Variants in SCAF8 observed in about 807,000 individuals in gnomAD.
The protein encoded by SCAF8 is SR-related CTD associated factor 8.
SCAF8 carries 23 observed loss-of-function variants against 140.5 expected under a neutral mutation model. The observed-to-expected ratio is 0.16, with a 90% confidence interval of 0.12 to 0.23. The LOEUF (loss-of-function observed/expected upper bound fraction) is 0.23. Ranked by LOEUF, SCAF8 falls within the 10% of genes least tolerant of loss-of-function variation. The pLI is 1.00. For synonymous variants in SCAF8, 575 were observed against 528.9 expected (o/e 1.09, Z -1.20); for missense variants, 1,397 against 1,555.7 (o/e 0.90, Z 1.72).
At chr6:154,741,614 C>A (rs1444936577) in intron 1 of SCAF8, among the ~76,000 whole-genome samples, 1 of 152,100 alleles carries the variant, frequency 6.6e-6, no homozygotes, top group African/African-American at 2.4e-5. Flanking sequence ...ACCATGTTGG[C>A]CAGGCTGATC....
In SCAF8 at chr6:154,802,117, T is replaced by C; in HGVS notation, c.753T>C (p.Thr251=). The C allele has an allele frequency of 6.2e-7, 1 of 1,610,228 alleles. No homozygotes were observed. Residue 251 remains threonine, a synonymous_variant, in exon 7 of 20, where the codon ACT becomes ACC. Transcript: ENST00000367178. The part of the protein sequence containing the change: ...TAAAAAANTL[T]PLEQGVSFNK... The stretch of plus-strand genomic sequence containing the variant: ...CAGCTGCAGCTGCCAACACTCTTAC[T>C]CCCTTAGAACAGGGAGTCTCCTTTA...
rs761992225 is a variant in SCAF8, at chr6:154,830,928, T to G, written c.2147T>G (p.Val716Gly). The G allele has an allele frequency of 6.2e-7, 1 of 1,613,700 alleles. No homozygotes were observed. Among genetic ancestry groups the G allele is most frequent in the East Asian group, 2.2e-5 (1 of 44,866 alleles). ...TTTTCTCCTCTTTAAACAGCTTTAGTGCAGCCGTCATTATCCATGACACCG... is the reference window on the plus strand; with the variant it reads ...TTTTCTCCTCTTTAAACAGCTTTAGGGCAGCCGTCATTATCCATGACACCG... ...TIPPVVPTSL[V>G]QPSLSMTPET... Residue 716 changes from valine (V) to glycine (G), a missense_variant, in exon 19 of 20, where the codon GTG becomes GGG. Physicochemically the swap from Val to Gly is moderately radical, Grantham distance 109. This residue lies in a region of SCAF8 where 930 missense variants were observed against 874.6 expected (regional missense o/e 1.06). Transcript: ENST00000367178.
chr6:154,791,193 T>G (rs1777409272), intron 4 of SCAF8, among the ~76,000 whole-genome samples: 1 of 152,202 alleles, frequency 6.6e-6, no homozygotes, highest in Admixed American at 6.5e-5. Context: ...CTGTAAAACT[T>G]TAATACAACC....
At chr6:154,736,265 C>CTT (rs71021071) in intron 1 of SCAF8, among the ~76,000 whole-genome samples, 2,257 of 78,332 alleles carry the variant, frequency 0.029, 225 homozygotes, top group African/African-American at 0.086. Flanking sequence ...CCATCCAAGA[C>CTT]TTTTTTTTTT....
chr6:154,773,060 A>G (rs982485226), intron 1 of SCAF8, among the ~76,000 whole-genome samples: 1 of 152,192 alleles, frequency 6.6e-6, no homozygotes, highest in Non-Finnish European at 1.5e-5. Flanking sequence ...TTGCCTGGCC[A>G]GAGCCCTTGA....
At chr6:154,753,387 A>T (rs1328046637) in intron 1 of SCAF8, among the ~76,000 whole-genome samples, 2 of 152,112 alleles carry the variant, frequency 1.3e-5, no homozygotes, top group Admixed American at 6.5e-5. Flanking sequence ...GAATCGCTTG[A>T]ACCTGGGAGG....
chr6:154,771,199 T>C (rs1328511284), intron 1 of SCAF8, among the ~76,000 whole-genome samples: 3 of 152,244 alleles, frequency 2.0e-5, no homozygotes, highest in Admixed American at 2.0e-4. Context: ...CAGTGAATGC[T>C]TCACAGGTAT....
chr6:154,785,071 A>G (rs534119387), intron 3 of SCAF8, among the ~76,000 whole-genome samples: 10 of 152,260 alleles, frequency 6.6e-5, no homozygotes, highest in Middle Eastern at 3.4e-3. Flanking sequence ...AAAGTGGTTT[A>G]ATGTATTTTA....
At chr6:154,775,390 CA>C in intron 2 of SCAF8, among the ~76,000 whole-genome samples, 1 of 152,254 alleles carries the variant, frequency 6.6e-6, no homozygotes, top group East Asian at 1.9e-4. Context: ...TGATCATGAT[CA>C]TTTGAAAGTG....
intron 1 of SCAF8, among the ~76,000 whole-genome samples, chr6:154,763,906 GAT>G (rs1776478411): frequency 6.6e-6 from 1 of 152,168 alleles, no homozygotes; most frequent in Non-Finnish European, 1.5e-5. Context: ...GAGGAGTTGT[GAT>G]AGAGACAGTA....
intron 1 of SCAF8, among the ~76,000 whole-genome samples, chr6:154,743,030 G>A (rs1582994038): frequency 6.6e-6 from 1 of 152,078 alleles, no homozygotes; most frequent in East Asian, 1.9e-4. Context: ...CTATGTTGTT[G>A]TGATTCTTTT....
At chr6:154,784,686 A>G (rs1319066007) in intron 3 of SCAF8, among the ~76,000 whole-genome samples, 6 of 152,188 alleles carry the variant, frequency 3.9e-5, no homozygotes, top group Admixed American at 3.3e-4. Context: ...AGTAGATGGG[A>G]TGATGTCCGT....
intron 17 of SCAF8, among the ~76,000 whole-genome samples, chr6:154,825,452 A>T (rs1183741461): frequency 2.0e-5 from 3 of 151,382 alleles, no homozygotes; most frequent in Non-Finnish European, 2.9e-5. Context: ...AGGTGGGAGG[A>T]TTGCTTGGGT....
chr6:154,829,893 G>A (rs765353672), intron 18 of SCAF8, among the ~76,000 whole-genome samples: 2 of 152,158 alleles, frequency 1.3e-5, no homozygotes, highest in Non-Finnish European at 1.5e-5. Flanking sequence ...GCAACCGAGC[G>A]AGAGACTGTC....
rs150957425 is a variant in SCAF8, at chr6:154,786,257, T to A, written c.160-1604T>A. Among the ~76,000 whole-genome samples the A allele has an allele frequency of 5.3e-5, 8 of 152,334 alleles. No homozygotes were observed. The East Asian group carries it at 1.5e-3, about 29-fold the overall frequency. On this transcript the variant is annotated intron_variant, in intron 3 of 19. Transcript: ENST00000367178. ...ATAGGGAGGTCCAAGTGAGGTTTTC[T>A]TGCTGTCTTCTCTTCTTGGGTGGGA...
intron 6 of SCAF8, among the ~76,000 whole-genome samples, chr6:154,799,824 C>CCCA (rs1777718312): frequency 1.3e-5 from 2 of 151,066 alleles, no homozygotes; most frequent in East Asian, 3.9e-4. Context: ...TGCTCTGTCA[C>CCCA]CCAGGCTGGA....
At chr6:154,753,001 G>GTT (rs1334421879) in intron 1 of SCAF8, among the ~76,000 whole-genome samples, 5 of 150,982 alleles carry the variant, frequency 3.3e-5, no homozygotes, top group Non-Finnish European at 5.9e-5. Flanking sequence ...GTACAGTTTT[G>GTT]TTTTTGTTTT....
intron 1 of SCAF8, among the ~76,000 whole-genome samples, chr6:154,767,224 C>T (rs1776601860): frequency 6.6e-6 from 1 of 152,164 alleles, no homozygotes; most frequent in African/African-American, 2.4e-5. Context: ...CTGTCTTTTC[C>T]TATCAAGGCT....
intron 1 of SCAF8, among the ~76,000 whole-genome samples, chr6:154,737,552 G>A (rs139005624): frequency 3.3e-5 from 5 of 152,224 alleles, no homozygotes; most frequent in African/African-American, 1.2e-4. Context: ...GGTCACGGTG[G>A]CATGTGCCTG....
Sources: allele counts gnomAD v4.1 joint callset (sites outside exome capture counted in the v4.1 genomes callset), GRCh38; gene constraint gnomAD v4.1.1; regional missense constraint gnomAD v4.1.1; transcripts MANE v1.5; gene names NCBI Gene and HGNC (gene_info 2026-07-23, HGNC 2026-07-21).